Variants in ANO2 observed in about 807,000 individuals in gnomAD.
ANO2 encodes the protein anoctamin 2, also known as anoctamin-2.
Under a neutral mutation model 124.2 loss-of-function variants are expected in ANO2, and 101 were observed. The observed-to-expected ratio is 0.81, with a 90% CI of 0.69 to 0.96. ANO2 has a LOEUF of 0.96. Ranked by LOEUF, ANO2 falls within the 40% of genes least tolerant of loss-of-function variation. The pLI, the probability that ANO2 is intolerant of heterozygous loss-of-function variation, is 0.00. For missense variants in ANO2, 1,293 were observed against 1,274.5 expected (o/e 1.01, Z -0.22); for synonymous variants, 486 against 482.5 (o/e 1.01, Z -0.09).
chr12:5,701,568 G>A (rs1332195407), intron 14 of ANO2, among the ~76,000 whole-genome samples: 1 of 152,090 alleles, frequency 6.6e-6, no homozygotes, highest in Non-Finnish European at 1.5e-5. Flanking sequence ...AATAAAAATT[G>A]TCACATCCAC....
intron 14 of ANO2, among the ~76,000 whole-genome samples, chr12:5,726,153 C>T (rs1950430259): frequency 6.6e-6 from 1 of 151,800 alleles, no homozygotes; most frequent in African/African-American, 2.4e-5. Context: ...AAAAAAAATC[C>T]ACGCTATTCT....
At chr12:5,945,636 CCTT>C (rs1943071584), upstream of ANO2, among the ~76,000 whole-genome samples, 1 of 152,262 alleles carries the variant, frequency 6.6e-6, no homozygotes, top group South Asian at 2.1e-4. Flanking sequence ...GCCAGCAAAA[CCTT>C]CTTCCCGCCG....
At chr12:5,715,764 G>C (rs914231998) in intron 14 of ANO2, among the ~76,000 whole-genome samples, 2 of 152,208 alleles carry the variant, frequency 1.3e-5, no homozygotes, top group African/African-American at 4.8e-5. Context: ...CAGCACAAAA[G>C]CATGGGCAAA....
chr12:5,814,050 G>T (rs1013602183), intron 7 of ANO2, among the ~76,000 whole-genome samples: 2 of 152,160 alleles, frequency 1.3e-5, no homozygotes, highest in Non-Finnish European at 2.9e-5. Flanking sequence ...ACATGAACAG[G>T]CTGCTGTGCT....
chr12:5,750,142 C>T (rs1951393210), intron 11 of ANO2, among the ~76,000 whole-genome samples: 1 of 151,904 alleles, frequency 6.6e-6, no homozygotes, highest in African/African-American at 2.4e-5. Context: ...ACTGTGTTGC[C>T]CAGGCTGGTC....
At chr12:5,674,492 T>C (rs1565552294) in intron 14 of ANO2, among the ~76,000 whole-genome samples, 1 of 152,218 alleles carries the variant, frequency 6.6e-6, no homozygotes. Flanking sequence ...TAACAGCTTT[T>C]GGCAAGCAGC....
At chr12:5,732,199 C>A (rs1357413086) in intron 14 of ANO2, among the ~76,000 whole-genome samples, 2 of 152,224 alleles carry the variant, frequency 1.3e-5, no homozygotes, top group African/African-American at 4.8e-5. Context: ...GGTGGTTGGT[C>A]TGGTGGGGTA....
At chr12:5,591,111 C>G (rs556348731) in intron 20 of ANO2, among the ~76,000 whole-genome samples, 1 of 152,194 alleles carries the variant, frequency 6.6e-6, no homozygotes, top group Non-Finnish European at 1.5e-5. Flanking sequence ...ACCTGGGAGG[C>G]AGAGGTTGCA....
At position 5,636,962 on chromosome 12, in the gene ANO2, C is replaced by T. The variant is rs895483851; in HGVS notation, c.1621-1615G>A. Among the ~76,000 whole-genome samples the T allele has an allele frequency of 1.5e-4, 23 of 150,910 alleles. No homozygotes were observed. Among genetic ancestry groups the T allele is most frequent in the African/African-American group, 5.1e-4 (21 of 40,994 alleles). ...CTTGGTAAGGAAGGGAGAAAGGTGG[C>T]GTTCTCTGGGTAGAGGAAGGCTGTG... On this transcript the variant is annotated intron_variant, in intron 15 of 24. Coordinates refer to ENST00000682330, the MANE Select transcript of ANO2 (RefSeq NM_001364791.2). This position sits in a 1 kb window ranked among gnomAD's most constrained non-coding sequence, Gnocchi z 4.6.
chr12:5,682,312 GATCT>G lies in ANO2; in HGVS notation c.1546-34515_1546-34512del, dbSNP rs544441533. 2.1e-4 allele frequency among the ~76,000 whole-genome samples: 32 copies of G among 150,744 alleles called. No individual in the cohort carries two copies. The South Asian group carries it at 6.0e-3, about 28-fold the overall frequency. ...TGATGAGTTATAAACTATATTCTCT[GATCT>G]ATCTATCTCTCTCTTTCTCTTTCTC... On this transcript the variant is annotated intron_variant, in intron 14 of 24. Coordinates refer to ENST00000682330, the MANE Select transcript of ANO2 (RefSeq NM_001364791.2).
chr12:5,656,188 T>G (rs1217338857), intron 14 of ANO2, among the ~76,000 whole-genome samples: 4 of 152,138 alleles, frequency 2.6e-5, no homozygotes, highest in Non-Finnish European at 4.4e-5. Context: ...CCATACTCTT[T>G]TCCTAGCTAA....
intron 3 of ANO2, among the ~76,000 whole-genome samples, chr12:5,910,857 A>G (rs73257266): frequency 0.21 from 32,025 of 152,096 alleles, 3,493 homozygotes; most frequent in Middle Eastern, 0.28. Context: ...TCAAAGCCTT[A>G]AAGACTCTGT....
At chr12:5,569,862 C>CT (rs1002484909) in intron 23 of ANO2, among the ~76,000 whole-genome samples, 1 of 152,134 alleles carries the variant, frequency 6.6e-6, no homozygotes, top group African/African-American at 2.4e-5. Flanking sequence ...GATAGAACAG[C>CT]TGGGGTGGGG....
At chr12:5,923,138 A>T (rs1941846864) in intron 1 of ANO2, among the ~76,000 whole-genome samples, 1 of 122,534 alleles carries the variant, frequency 8.2e-6, no homozygotes, top group Non-Finnish European at 1.8e-5. Flanking sequence ...CCACATACAC[A>T]CACATGCACA....
At chr12:5,712,567 C>T (rs895015257) in intron 14 of ANO2, among the ~76,000 whole-genome samples, 1 of 152,170 alleles carries the variant, frequency 6.6e-6, no homozygotes, top group African/African-American at 2.4e-5. Flanking sequence ...GACACCTTGA[C>T]CTTGGACTTC....
intron 23 of ANO2, among the ~76,000 whole-genome samples, chr12:5,569,683 G>A (rs984233686): frequency 6.6e-6 from 1 of 152,168 alleles, no homozygotes; most frequent in African/African-American, 2.4e-5. Context: ...GCATAGAGGA[G>A]CTGTCTCAAT....
rs1451576131 is a variant in ANO2, at chr12:5,862,380, G to A, written c.535-8239C>T. On this transcript the variant is annotated intron_variant, in intron 3 of 24. Transcript: ENST00000682330. This position sits in a 1 kb window ranked among gnomAD's most constrained non-coding sequence, Gnocchi z 4.0. ...CCAACCAACGACCAGGGACAACCCAGGGTCCTATGGACATGAAAACTCAGC... is the reference window on the plus strand; with the variant it reads ...CCAACCAACGACCAGGGACAACCCAAGGTCCTATGGACATGAAAACTCAGC... Among the ~76,000 whole-genome samples, 1 of 152,180 alleles carries A rather than the reference G, an allele frequency of 6.6e-6. No homozygotes were observed. Among genetic ancestry groups the A allele is most frequent in the Non-Finnish European group, 1.5e-5 (1 of 68,030 alleles).
intron 14 of ANO2, among the ~76,000 whole-genome samples, chr12:5,664,476 T>G (rs1347418581): frequency 6.6e-6 from 1 of 152,240 alleles, no homozygotes; most frequent in Non-Finnish European, 1.5e-5. Context: ...TCTTTACTTA[T>G]CTGATTTCAT....
intron 20 of ANO2, among the ~76,000 whole-genome samples, chr12:5,588,409 C>T (rs1347942538): frequency 6.6e-5 from 10 of 152,214 alleles, no homozygotes; most frequent in Non-Finnish European, 1.0e-4. Flanking sequence ...TCTTGAAGCA[C>T]GTCTCCCGTG....
Sources: allele counts gnomAD v4.1 joint callset (sites outside exome capture counted in the v4.1 genomes callset), GRCh38; gene constraint gnomAD v4.1.1; non-coding constraint Gnocchi (gnomAD v3.1); transcripts MANE v1.5; gene names NCBI Gene and HGNC (gene_info 2026-07-23, HGNC 2026-07-21).